Variants in FUT8 observed in about 807,000 individuals in gnomAD.
The protein encoded by FUT8 is fucosyltransferase 8.
A neutral mutation model predicts 71.3 loss-of-function variants in FUT8; 29 were observed. That is an observed-to-expected ratio of 0.41 (90% confidence interval 0.30 to 0.55). The LOEUF is 0.55. Ranked by LOEUF, FUT8 falls within the 20% of genes least tolerant of loss-of-function variation. The pLI, the probability that FUT8 is intolerant of heterozygous loss-of-function variation, is 0.34. For synonymous variants in FUT8, 254 were observed against 239.3 expected, an observed-to-expected ratio of 1.06 and a Z score of -0.57; for missense variants, 544 against 702.1, an observed-to-expected ratio of 0.77 and a Z score of 2.55.
chr14:65,366,871 C>T, the FUT8 span, among the ~76,000 whole-genome samples: 2 of 152,102 alleles, frequency 1.3e-5, no homozygotes, highest in African/African-American at 4.8e-5. Flanking sequence ...CACCATGGTT[C>T]TGAAGAGGCT....
Position 65,603,940 on chromosome 14 carries a change from C to T in FUT8, c.204-12038C>T, listed in dbSNP as rs946971425. Among the ~76,000 whole-genome samples, 2 of 151,582 alleles carry T rather than the reference C, an allele frequency of 1.3e-5. No homozygotes were observed. Among genetic ancestry groups the T allele is most frequent in the Non-Finnish European group, 2.9e-5 (2 of 67,816 alleles). Reference sequence around the variant, plus strand: ...ATTTCATGCAAATGGACACCCAAAGCGAGCAGGAGTAGCTATTCTTACATC... The same window carrying T: ...ATTTCATGCAAATGGACACCCAAAGTGAGCAGGAGTAGCTATTCTTACATC... On this transcript the variant is annotated intron_variant, in intron 3 of 10. Transcript: ENST00000673929. This position sits in a 1 kb window ranked among gnomAD's most constrained non-coding sequence, Gnocchi z 4.5.
the FUT8 span, among the ~76,000 whole-genome samples, chr14:65,359,176 T>C: frequency 6.6e-6 from 1 of 152,168 alleles, no homozygotes; most frequent in African/African-American, 2.4e-5. Context: ...TTTCTTGTGA[T>C]GGTGTTTTTA....
chr14:65,518,434 T>G (rs1248922464), intron 2 of FUT8, among the ~76,000 whole-genome samples: 1 of 152,190 alleles, frequency 6.6e-6, no homozygotes, highest in African/African-American at 2.4e-5. Flanking sequence ...AAAACTTCTT[T>G]CTCATAGCCT....
intron 2 of FUT8, among the ~76,000 whole-genome samples, chr14:65,495,606 A>G (rs2066546712): frequency 1.3e-5 from 2 of 152,234 alleles, no homozygotes; most frequent in South Asian, 4.1e-4. Flanking sequence ...TAGGGTTTAA[A>G]AAACTAAACA....
chr14:65,412,221 G>A (rs1420072744), upstream of FUT8: 11 of 456,624 alleles, frequency 2.4e-5, no homozygotes, highest in Non-Finnish European at 3.5e-5. Context: ...CGATGCCATT[G>A]TAGGATCGCG....
chr14:65,544,047 C>A (rs1207806117), intron 2 of FUT8, among the ~76,000 whole-genome samples: 1 of 152,008 alleles, frequency 6.6e-6, no homozygotes, highest in East Asian at 1.9e-4. Flanking sequence ...CTCTTGTATC[C>A]TAATGTGTCG....
chr14:65,566,390 T>C (rs1052073256), intron 3 of FUT8, among the ~76,000 whole-genome samples: 3 of 152,116 alleles, frequency 2.0e-5, no homozygotes, highest in Admixed American at 6.6e-5. Flanking sequence ...ACAAAGAATG[T>C]GTAACCGCAT....
intron 9 of FUT8, 93 bp downstream of exon 9, chr14:65,724,416 A>G (rs909880373): frequency 2.8e-6 from 2 of 703,834 alleles, no homozygotes; most frequent in Admixed American, 6.6e-5. Flanking sequence ...TTTGTATATT[A>G]TTATTGCTAA....
chr14:65,433,103 A>G (rs1333572543), intron 1 of FUT8, among the ~76,000 whole-genome samples: 3 of 152,230 alleles, frequency 2.0e-5, no homozygotes, highest in Non-Finnish European at 4.4e-5. Context: ...ACTATAGTGC[A>G]GAAACCCTGA....
chr14:65,726,651 C>T (rs1189203644), intron 9 of FUT8, among the ~76,000 whole-genome samples: 2 of 152,218 alleles, frequency 1.3e-5, no homozygotes, highest in African/African-American at 2.4e-5. Flanking sequence ...GGTGGAGACA[C>T]AGCCAAACCA....
At chr14:65,363,191 G>A in the FUT8 span, among the ~76,000 whole-genome samples, 11 of 152,042 alleles carry the variant, frequency 7.2e-5, no homozygotes, top group Admixed American at 2.6e-4. Context: ...GTGTGACCTC[G>A]GCTTGCTGCA....
chr14:65,396,401 C>A, the FUT8 span, among the ~76,000 whole-genome samples: 14 of 152,278 alleles, frequency 9.2e-5, no homozygotes, highest in Non-Finnish European at 5.9e-5. This position sits in a 1 kb window ranked among gnomAD's most constrained non-coding sequence, Gnocchi z 5.5. Flanking sequence ...GCTGGGGAGG[C>A]CTCACAATCA....
chr14:65,692,715 C>T (rs868023726), intron 7 of FUT8, among the ~76,000 whole-genome samples: 4 of 137,914 alleles, frequency 2.9e-5, no homozygotes, highest in South Asian at 2.4e-4. Flanking sequence ...TCAGACGGGG[C>T]GGCTGCCGGG....
At chr14:65,681,811 A>C (rs1893053081) in intron 7 of FUT8, among the ~76,000 whole-genome samples, 1 of 152,218 alleles carries the variant, frequency 6.6e-6, no homozygotes, top group South Asian at 2.1e-4. Context: ...TATTCACAAT[A>C]ACCCTTATTA....
intron 5 of FUT8, among the ~76,000 whole-genome samples, chr14:65,628,380 G>C (rs1045826053): frequency 2.6e-5 from 4 of 152,216 alleles, no homozygotes; most frequent in African/African-American, 9.6e-5. Flanking sequence ...TGTTGATGTT[G>C]TAACAGGATC....
At chr14:65,399,214 G>A in the FUT8 span, among the ~76,000 whole-genome samples, 1 of 152,184 alleles carries the variant, frequency 6.6e-6, no homozygotes, top group Admixed American at 6.5e-5. Context: ...CTACTCAGGA[G>A]GCTAAGGCAG....
intron 1 of FUT8, among the ~76,000 whole-genome samples, chr14:65,433,162 G>A (rs1237588278): frequency 2.0e-5 from 3 of 152,074 alleles, no homozygotes; most frequent in Admixed American, 6.6e-5. Flanking sequence ...ACAAAACTGC[G>A]AATTCTATCA....
chr14:65,462,831 T>C (rs1315920691), intron 2 of FUT8, among the ~76,000 whole-genome samples: 1 of 152,210 alleles, frequency 6.6e-6, no homozygotes, highest in East Asian at 1.9e-4. Context: ...GTTGAACCAA[T>C]GTTTTTAGAT....
intron 7 of FUT8, among the ~76,000 whole-genome samples, chr14:65,687,591 C>T (rs913198551): frequency 2.6e-5 from 4 of 151,994 alleles, no homozygotes; most frequent in East Asian, 1.9e-4. Context: ...TCTTTTTGGT[C>T]GGTTTTGAAT....
Sources: allele counts gnomAD v4.1 joint callset (sites outside exome capture counted in the v4.1 genomes callset), GRCh38; gene constraint gnomAD v4.1.1; non-coding constraint Gnocchi (gnomAD v3.1); transcripts MANE v1.5; gene names NCBI Gene and HGNC (gene_info 2026-07-23, HGNC 2026-07-21).